HIVEP2: variants seen among roughly 807,000 people sequenced by gnomAD.
HIVEP2 encodes the protein transcription factor HIVEP2.
HIVEP2 carries 14 observed loss-of-function variants against 180.7 expected under a neutral mutation model. The observed-to-expected ratio is 0.08, with a 90% CI of 0.05 to 0.12. HIVEP2 has a LOEUF of 0.12. Among genes scored for constraint, HIVEP2 ranks in the 10% least tolerant of loss-of-function variants. The pLI is 1.00. For synonymous variants in HIVEP2, 1,184 were observed against 1,136.4 expected (o/e 1.04, Z -0.84); for missense variants, 2,579 against 3,008.5 (o/e 0.86, Z 3.34).
chr6:142,891,673 C>T (rs1776865036), intron 1 of HIVEP2, among the ~76,000 whole-genome samples: 1 of 152,148 alleles, frequency 6.6e-6, no homozygotes, highest in Admixed American at 6.5e-5. Flanking sequence ...CCTCCCTGGG[C>T]CTTGCCCTCC....
At chr6:142,800,682 A>G (rs487754) in intron 2 of HIVEP2, among the ~76,000 whole-genome samples, 87,823 of 151,952 alleles carry the variant, frequency 0.58, 26,804 homozygotes, top group Non-Finnish European at 0.68. Flanking sequence ...AAATAAAAAA[A>G]GGAGAATTTG....
At chr6:142,796,012 G>A (rs931790632) in intron 2 of HIVEP2, among the ~76,000 whole-genome samples, 1 of 152,090 alleles carries the variant, frequency 6.6e-6, no homozygotes, top group South Asian at 2.1e-4. Flanking sequence ...CTCTATGGGG[G>A]AGCCCACGTG....
chr6:142,842,656 T>C (rs184468680), intron 1 of HIVEP2, among the ~76,000 whole-genome samples: 247 of 152,242 alleles, frequency 1.6e-3, no homozygotes, highest in African/African-American at 5.7e-3. Flanking sequence ...ATTTAAGCCT[T>C]GTTTCCTGAA....
chr6:142,855,689 G>A (rs998254964), intron 1 of HIVEP2, among the ~76,000 whole-genome samples: 3 of 152,136 alleles, frequency 2.0e-5, no homozygotes, highest in Non-Finnish European at 2.9e-5. Flanking sequence ...GTTTTCCTGA[G>A]TCTCCCCACT....
At chr6:142,919,598 T>C (rs537005954) in intron 1 of HIVEP2, among the ~76,000 whole-genome samples, 28 of 152,334 alleles carry the variant, frequency 1.8e-4, no homozygotes, top group Admixed American at 7.8e-4. Context: ...AAGTTTATCA[T>C]TATTCTACTC....
chr6:142,826,791 T>G (rs936854496), intron 2 of HIVEP2, among the ~76,000 whole-genome samples: 3 of 152,180 alleles, frequency 2.0e-5, no homozygotes, highest in Non-Finnish European at 4.4e-5. Context: ...TAAATGTAAT[T>G]TCAAACAAGC....
chr6:142,796,307 G>A (rs1776277206), intron 2 of HIVEP2, among the ~76,000 whole-genome samples: 2 of 152,016 alleles, frequency 1.3e-5, no homozygotes, highest in Admixed American at 6.6e-5. Flanking sequence ...ACCCTGGACC[G>A]AGCAGTTGAA....
At chr6:142,934,506 G>C (rs573274320) in intron 1 of HIVEP2, among the ~76,000 whole-genome samples, 4 of 152,254 alleles carry the variant, frequency 2.6e-5, no homozygotes, top group South Asian at 4.2e-4. Flanking sequence ...ACCCAAAAAG[G>C]CTACATCTCT....
intron 2 of HIVEP2, among the ~76,000 whole-genome samples, chr6:142,828,527 T>G (rs1774981061): frequency 6.6e-6 from 1 of 152,034 alleles, no homozygotes; most frequent in African/African-American, 2.4e-5. Flanking sequence ...ACCTCCACCT[T>G]CTGGGTTCAA....
At chr6:142,811,664 G>A in intron 2 of HIVEP2, among the ~76,000 whole-genome samples, 1 of 152,160 alleles carries the variant, frequency 6.6e-6, no homozygotes, top group Non-Finnish European at 1.5e-5. Context: ...TTACATCATG[G>A]TATGAGAATA....
chr6:142,853,992 T>C (rs1465834710), intron 1 of HIVEP2, among the ~76,000 whole-genome samples: 1 of 152,196 alleles, frequency 6.6e-6, no homozygotes, highest in Non-Finnish European at 1.5e-5. Context: ...GGGGTTGCCA[T>C]TCACTCTGTC....
At chr6:142,823,062 G>A (rs1397254574) in intron 2 of HIVEP2, among the ~76,000 whole-genome samples, 1 of 152,172 alleles carries the variant, frequency 6.6e-6, no homozygotes, top group East Asian at 1.9e-4. Flanking sequence ...CTGACAGCCA[G>A]TCACAACACC....
chr6:142,851,707 GGTTGAAGAA>G (rs1189719266), intron 1 of HIVEP2, among the ~76,000 whole-genome samples: 6 of 152,196 alleles, frequency 3.9e-5, no homozygotes, highest in African/African-American at 1.4e-4. Flanking sequence ...AAGATACATG[GGTTGAAGAA>G]ATCTAAATAT....
chr6:142,896,564 A>G (rs921624654), intron 1 of HIVEP2, among the ~76,000 whole-genome samples: 25 of 152,320 alleles, frequency 1.6e-4, no homozygotes, highest in Admixed American at 1.3e-3. Flanking sequence ...CATTTCCTTC[A>G]GAGACAATTC....
At chr6:142,785,344 AAAG>A (rs1187343842) in intron 2 of HIVEP2, among the ~76,000 whole-genome samples, 4 of 106,434 alleles carry the variant, frequency 3.8e-5, no homozygotes, top group African/African-American at 1.0e-4. Context: ...AAAAAAAAAA[AAAG>A]AAGAAGAAGA....
chr6:142,774,277 C>T lies in HIVEP2; in HGVS notation c.462G>A (p.Lys154=). Residue 154 remains lysine, a synonymous_variant, in exon 5 of 10, where the codon AAG becomes AAA. Transcript: ENST00000367603. The surrounding 1 kb of genome is among the most constrained non-coding windows in gnomAD (Gnocchi z 5.1). ...HGHSGGYPRK[K]ISSLNPAYSQ... ...TATAAGCAGGGTTCAGACTTGAAATCTTTTTTCTAGGATAACCACCACTGT... is the reference window on the plus strand; with the variant it reads ...TATAAGCAGGGTTCAGACTTGAAATTTTTTTTCTAGGATAACCACCACTGT... The T allele has an allele frequency of 6.2e-7, 1 of 1,614,100 alleles. No individual in the cohort carries two copies. The highest frequency in any genetic ancestry group is 8.5e-7 in the Non-Finnish European group (1 of 1,180,036).
chr6:142,872,567 G>T (rs1019711795), intron 1 of HIVEP2, among the ~76,000 whole-genome samples: 3 of 152,152 alleles, frequency 2.0e-5, no homozygotes, highest in African/African-American at 7.2e-5. Flanking sequence ...AAATCTGGGC[G>T]GTGGCAAGCC....
intron 2 of HIVEP2, among the ~76,000 whole-genome samples, chr6:142,788,716 AAAC>A (rs925769541): frequency 1.0e-4 from 14 of 134,996 alleles, no homozygotes; most frequent in African/African-American, 3.6e-4. Flanking sequence ...CCATCTCGAA[AAAC>A]AACAACAACA....
intron 2 of HIVEP2, chr6:142,788,316 AT>A (rs1451424461): frequency 2.2e-4 from 8 of 36,802 alleles, no homozygotes; most frequent in Non-Finnish European, 4.6e-4. Context: ...ATAAAAAAAA[AT>A]CCCCCCCTCA....
Sources: allele counts gnomAD v4.1 joint callset (sites outside exome capture counted in the v4.1 genomes callset), GRCh38; gene constraint gnomAD v4.1.1; non-coding constraint Gnocchi (gnomAD v3.1); transcripts MANE v1.5; gene names NCBI Gene and HGNC (gene_info 2026-07-23, HGNC 2026-07-21).